The following DCC variants were observed in gnomAD, a reference collection of about 807,000 sequenced individuals.
DCC encodes the protein netrin receptor DCC.
Under a neutral mutation model 172.5 loss-of-function variants are expected in DCC, and 58 were observed. The ratio of observed to expected loss-of-function variants is 0.34; its 90% CI spans 0.27 to 0.42. The LOEUF (loss-of-function observed/expected upper bound fraction) is 0.42. Among genes scored for constraint, DCC ranks in the 10% least tolerant of loss-of-function variants. DCC has a pLI of 1.00. For synonymous variants in DCC, 709 were observed against 644.5 expected, an observed-to-expected ratio of 1.10 and a Z score of -1.52; for missense variants, 1,740 against 1,791.0, an observed-to-expected ratio of 0.97 and a Z score of 0.51.
chr18:52,810,865 G>T (rs2038183155), intron 2 of DCC, among the ~76,000 whole-genome samples: 1 of 152,094 alleles, frequency 6.6e-6, no homozygotes, highest in African/African-American at 2.4e-5. Context: ...CGGAGGTAGG[G>T]TTTCACTGGG....
intron 5 of DCC, among the ~76,000 whole-genome samples, chr18:52,961,661 G>A (rs985364296): frequency 3.3e-5 from 5 of 152,170 alleles, no homozygotes; most frequent in African/African-American, 1.2e-4. Flanking sequence ...CATCGAGTTA[G>A]TTTCAAAAAT....
At chr18:53,046,244 T>C (rs1359024465) in intron 5 of DCC, among the ~76,000 whole-genome samples, 1 of 151,946 alleles carries the variant, frequency 6.6e-6, no homozygotes, top group African/African-American at 2.4e-5. Context: ...GGTGTTGAAC[T>C]AATTACCCTT....
intron 1 of DCC, among the ~76,000 whole-genome samples, chr18:52,568,238 A>G (rs2033208510): frequency 6.6e-6 from 1 of 152,182 alleles, no homozygotes; most frequent in African/African-American, 2.4e-5. Context: ...AAATAAAAAC[A>G]TATGCTCTCA....
intron 21 of DCC, among the ~76,000 whole-genome samples, chr18:53,419,093 C>T (rs1910482328): frequency 6.6e-6 from 1 of 152,054 alleles, no homozygotes; most frequent in Non-Finnish European, 1.5e-5. Context: ...AAGGAAATTG[C>T]ACAGGCTCTA....
chr18:53,350,059 C>T (rs532859891), intron 15 of DCC, among the ~76,000 whole-genome samples: 9 of 152,170 alleles, frequency 5.9e-5, no homozygotes, highest in Non-Finnish European at 8.8e-5. Flanking sequence ...AATACATTTA[C>T]AATTCATGAG....
Position 53,228,181 on chromosome 18 carries a change from C to A in DCC, c.1911+12584C>A, listed in dbSNP as rs16956387. Among the ~76,000 whole-genome samples, 479 of 151,794 alleles carry A rather than the reference C, an allele frequency of 3.2e-3. 21 individuals are homozygous for A. The East Asian group carries it at 0.079, about 25-fold the overall frequency. ...AAGAAAGGAAAATACATTTGTGTTT[C>A]TTTTCAATGCCAATACAGATAATTC... On this transcript the variant is annotated intron_variant, in intron 12 of 28. Coordinates refer to ENST00000442544, the MANE Select transcript of DCC (RefSeq NM_005215.4).
At chr18:53,187,235 G>A (rs1393937179) in intron 9 of DCC, among the ~76,000 whole-genome samples, 7 of 151,232 alleles carry the variant, frequency 4.6e-5, no homozygotes, top group African/African-American at 1.7e-4. Flanking sequence ...TGATTCTCCT[G>A]CCTCAACGTC....
intron 1 of DCC, chr18:52,408,987 A>C (rs747234740): frequency 6.6e-6 from 1 of 152,106 alleles, no homozygotes; most frequent in Non-Finnish European, 1.5e-5. Flanking sequence ...TTGTTCATTA[A>C]GGTCAAATGA....
chr18:53,505,746 C>G (rs910366990), intron 27 of DCC, among the ~76,000 whole-genome samples: 4 of 152,012 alleles, frequency 2.6e-5, no homozygotes, highest in African/African-American at 9.7e-5. Flanking sequence ...AACATGTAAG[C>G]TACAAAGAAT....
intron 9 of DCC, among the ~76,000 whole-genome samples, chr18:53,182,036 G>A (rs954552754): frequency 3.3e-5 from 5 of 152,180 alleles, no homozygotes; most frequent in Non-Finnish European, 7.3e-5. Flanking sequence ...AAAGCAGTGT[G>A]AAAAATTTGT....
At chr18:53,179,145 T>TA in intron 9 of DCC, 29 bp downstream of exon 9, 1 of 1,605,280 alleles carries the variant, frequency 6.2e-7, no homozygotes, top group Non-Finnish European at 8.5e-7. Flanking sequence ...GGGCCACATT[T>TA]AAAAAGTATT....
intron 1 of DCC, among the ~76,000 whole-genome samples, chr18:52,434,215 A>G (rs1054337907): frequency 6.6e-6 from 1 of 152,226 alleles, no homozygotes; most frequent in Non-Finnish European, 1.5e-5. Flanking sequence ...TATACTTTAC[A>G]CCACTGGTGT....
intron 2 of DCC, among the ~76,000 whole-genome samples, chr18:52,780,940 C>T (rs909849058): frequency 1.4e-4 from 21 of 152,088 alleles, no homozygotes; most frequent in African/African-American, 4.3e-4. Flanking sequence ...TGATTTCTTT[C>T]TTCCCTCATC....
intron 3 of DCC, among the ~76,000 whole-genome samples, chr18:52,920,634 C>A (rs1012247302): frequency 1.3e-5 from 2 of 152,084 alleles, no homozygotes; most frequent in Admixed American, 1.3e-4. Context: ...CAGTTTCTCA[C>A]AAAGCTAAAC....
intron 5 of DCC, among the ~76,000 whole-genome samples, chr18:52,988,068 T>A (rs949060025): frequency 5.3e-5 from 8 of 152,184 alleles, no homozygotes; most frequent in African/African-American, 1.9e-4. Flanking sequence ...GTGCTTGGGG[T>A]TTTATTTATT....
At chr18:53,206,986 T>C (rs968736287) in intron 10 of DCC, among the ~76,000 whole-genome samples, 1 of 152,090 alleles carries the variant, frequency 6.6e-6, no homozygotes, top group Non-Finnish European at 1.5e-5. Flanking sequence ...TTGTATTTTT[T>C]TCTTGCTATC....
At chr18:52,852,599 A>T (rs2038993246) in intron 2 of DCC, among the ~76,000 whole-genome samples, 1 of 151,222 alleles carries the variant, frequency 6.6e-6, no homozygotes, top group African/African-American at 2.5e-5. Context: ...TTGTCCATGA[A>T]TGTTAAATAG....
rs1412029592 is a variant in DCC, at chr18:53,535,188, G to A, written c.*4535G>A. 1 of 152,130 alleles carries A rather than the reference G, an allele frequency of 6.6e-6. No homozygotes were observed. The highest frequency in any genetic ancestry group is 1.5e-5 in the Non-Finnish European group (1 of 68,026). The allele number at this position is 152,130 out of a possible 1,614,324, so 9.4% of individuals were successfully genotyped here. ...CGGGTATGGGGTGTACTTTTTATAAGTAATATTTAATTTATTATTTAGAGT... is the reference window on the plus strand; with the variant it reads ...CGGGTATGGGGTGTACTTTTTATAAATAATATTTAATTTATTATTTAGAGT... On this transcript the variant is annotated 3_prime_UTR_variant, in exon 29 of 29. Coordinates refer to ENST00000442544, the MANE Select transcript of DCC (RefSeq NM_005215.4).
chr18:52,392,043 C>A (rs1986049211), intron 1 of DCC, among the ~76,000 whole-genome samples: 1 of 152,158 alleles, frequency 6.6e-6, no homozygotes, highest in African/African-American at 2.4e-5. Flanking sequence ...AAAATCAAAT[C>A]TGCGTTATGA....
Sources: allele counts gnomAD v4.1 joint callset (sites outside exome capture counted in the v4.1 genomes callset), GRCh38; gene constraint gnomAD v4.1.1; transcripts MANE v1.5; gene names NCBI Gene and HGNC (gene_info 2026-07-23, HGNC 2026-07-21).